The following RBFOX3 variants were observed in gnomAD, a reference collection of about 807,000 sequenced individuals.
RBFOX3 encodes the protein RNA binding fox-1 homolog 3, also known as RNA binding protein fox-1 homolog 3.
In RBFOX3, 17 loss-of-function variants were observed where a neutral mutation model predicts 48.7. That is an observed-to-expected ratio of 0.35 (90% CI 0.24 to 0.52). The LOEUF (loss-of-function observed/expected upper bound fraction) is 0.52. Ranked by LOEUF, RBFOX3 falls within the 20% of genes least tolerant of loss-of-function variation. The pLI is 0.94. For missense variants in RBFOX3, 382 were observed against 497.5 expected (o/e 0.77, Z 2.21); for synonymous variants, 212 against 209.5 (o/e 1.01, Z -0.10).
At chr17:79,213,954 G>A (rs2058693990) in intron 4 of RBFOX3, among the ~76,000 whole-genome samples, 1 of 152,206 alleles carries the variant, frequency 6.6e-6, no homozygotes, top group Non-Finnish European at 1.5e-5. Flanking sequence ...ATCGCGTGCT[G>A]CCTGTGACCT....
intron 10 of RBFOX3, 24 bp downstream of exon 10, chr17:79,097,668 T>TA: frequency 2.0e-6 from 2 of 1,010,922 alleles, no homozygotes; most frequent in Non-Finnish European, 2.8e-6. Context: ...TCTCATCCCA[T>TA]CCCCGCCCCG....
intron 3 of RBFOX3, among the ~76,000 whole-genome samples, chr17:79,251,776 C>A (rs983174521): frequency 3.1e-4 from 47 of 152,220 alleles, no homozygotes; most frequent in Admixed American, 1.0e-3. Context: ...AGGGAAGGTT[C>A]AAGACCTCTT....
chr17:79,473,877 C>T lies in RBFOX3; in HGVS notation c.-175+8577G>A, dbSNP rs1179125865. On this transcript the variant is annotated intron_variant, in intron 2 of 14. Coordinates refer to ENST00000693108, the MANE Select transcript of RBFOX3 (RefSeq NM_001350451.2). The surrounding 1 kb of genome is among the most constrained non-coding windows in gnomAD (Gnocchi z 4.2). ...ACACGCAGAACTAAAGTTAGGCTTGCCTTGACCTCTACTTCTAAATTAATT... is the reference window on the plus strand; with the variant it reads ...ACACGCAGAACTAAAGTTAGGCTTGTCTTGACCTCTACTTCTAAATTAATT... Among the ~76,000 whole-genome samples, 2 of 152,116 alleles carry T rather than the reference C, an allele frequency of 1.3e-5. No individual in the cohort carries two copies. Among genetic ancestry groups the T allele is most frequent in the Admixed American group, 6.5e-5 (1 of 15,268 alleles).
intron 4 of RBFOX3, among the ~76,000 whole-genome samples, chr17:79,222,799 G>C (rs2059888329): frequency 2.0e-5 from 3 of 152,210 alleles, no homozygotes; most frequent in Admixed American, 2.0e-4. Flanking sequence ...TGGTGCAGAT[G>C]CCCAAATGCT....
Position 79,094,460 on chromosome 17 carries a change from A to C in RBFOX3, c.1068T>G (p.Ile356Met), listed in dbSNP as rs2074722616. ...GGCCTGGGCTCCTTACCATGGTTCC[A>C]ATGCTGTAGGTCGCCGCGGGCCCGA... ...HTIGPAATYS[I>M]GTM The change falls in exon 14 of 15, where the codon ATT becomes ATG. Residue 356 changes from isoleucine (I) to methionine (M), a missense_variant. Ile to Met is a conservative substitution (Grantham distance 10, BLOSUM62 1). This residue lies in a region of RBFOX3 where 215 missense variants were observed against 254.8 expected (regional missense o/e 0.84). Transcript: ENST00000693108. 2 of 1,489,364 alleles carry C rather than the reference A, an allele frequency of 1.3e-6. No individual in the cohort carries two copies. The highest frequency in any genetic ancestry group is 1.8e-6 in the Non-Finnish European group (2 of 1,121,116). 92.3% of individuals were successfully genotyped at this position (1,489,364 alleles called of 1,614,324 possible).
At chr17:79,350,949 T>C (rs945707771) in intron 2 of RBFOX3, among the ~76,000 whole-genome samples, 1 of 152,102 alleles carries the variant, frequency 6.6e-6, no homozygotes, top group African/African-American at 2.4e-5. Context: ...CCTGGTAACC[T>C]CTAATCCACT....
intron 1 of RBFOX3, among the ~76,000 whole-genome samples, chr17:79,567,093 A>C (rs2092482722): frequency 6.6e-6 from 1 of 151,904 alleles, no homozygotes; most frequent in African/African-American, 2.4e-5. Flanking sequence ...TCCCAGCCTC[A>C]GAATCCTCTC....
At chr17:79,411,684 T>C (rs1268694325) in intron 2 of RBFOX3, among the ~76,000 whole-genome samples, 2 of 152,236 alleles carry the variant, frequency 1.3e-5, no homozygotes, top group African/African-American at 4.8e-5. Flanking sequence ...CAGTCTCCCA[T>C]GGTGCCTGAC....
chr17:79,280,593 C>T (rs999029728), intron 3 of RBFOX3, among the ~76,000 whole-genome samples: 1 of 152,200 alleles, frequency 6.6e-6, no homozygotes, highest in Non-Finnish European at 1.5e-5. Context: ...CCCATAACGC[C>T]TTTGAGGAGA....
the RBFOX3 span, among the ~76,000 whole-genome samples, chr17:79,623,017 C>T: frequency 6.6e-6 from 1 of 152,044 alleles, no homozygotes; most frequent in Non-Finnish European, 1.5e-5. Flanking sequence ...CAGCCCAGAC[C>T]CTCAGCTCCC....
chr17:79,162,365 G>T (rs2047151065), intron 4 of RBFOX3, among the ~76,000 whole-genome samples: 1 of 152,114 alleles, frequency 6.6e-6, no homozygotes, highest in Admixed American at 6.5e-5. Context: ...GTCGGACAAG[G>T]CCGCCCCCAG....
chr17:79,321,872 A>C (rs1245938187), intron 2 of RBFOX3, among the ~76,000 whole-genome samples: 1 of 152,038 alleles, frequency 6.6e-6, no homozygotes, highest in Non-Finnish European at 1.5e-5. Context: ...AATCCGGCTA[A>C]TTTTTGTATT....
chr17:79,642,563 TA>T, the RBFOX3 span, among the ~76,000 whole-genome samples: 10 of 152,214 alleles, frequency 6.6e-5, no homozygotes. Context: ...CTTGTGAATT[TA>T]ATGATCTCTC....
At chr17:79,581,493 G>A (rs1008957695) in intron 1 of RBFOX3, among the ~76,000 whole-genome samples, 18 of 152,330 alleles carry the variant, frequency 1.2e-4, no homozygotes, top group African/African-American at 4.3e-4. Flanking sequence ...TGTCAGAGTC[G>A]TTACGTCACT....
chr17:79,513,336 C>T (rs1599008979), intron 1 of RBFOX3, among the ~76,000 whole-genome samples: 1 of 152,204 alleles, frequency 6.6e-6, no homozygotes, highest in African/African-American at 2.4e-5. Context: ...TACATGTTAC[C>T]ACCAGGCATG....
intron 4 of RBFOX3, among the ~76,000 whole-genome samples, chr17:79,174,429 C>T (rs1041614164): frequency 2.0e-5 from 3 of 151,894 alleles, no homozygotes; most frequent in Non-Finnish European, 4.4e-5. Context: ...TGCACTCACA[C>T]ACACTGACAC....
chr17:79,464,716 C>A lies in RBFOX3; in HGVS notation c.-175+17738G>T, dbSNP rs143192284. Among the ~76,000 whole-genome samples the A allele has an allele frequency of 3.3e-5, 5 of 152,346 alleles. No homozygotes were observed. In the East Asian group the frequency reaches 5.8e-4, roughly 18 times the overall value. ...ACTGCTGGGAGCATCGTAAGAGCCA[C>A]CTTGGTTGACCACAGAAAGAAGTGC... On this transcript the variant is annotated intron_variant, in intron 2 of 14. Transcript: ENST00000693108.
At chr17:79,656,769 G>A in the RBFOX3 span, among the ~76,000 whole-genome samples, 22,099 of 62,344 alleles carry the variant, frequency 0.35, 3,578 homozygotes, top group Non-Finnish European at 0.45. Context: ...AAGGAAGGAA[G>A]GAAGGAAGGA....
intron 2 of RBFOX3, among the ~76,000 whole-genome samples, chr17:79,435,341 G>T (rs114760619): frequency 6.6e-6 from 1 of 152,184 alleles, no homozygotes; most frequent in Non-Finnish European, 1.5e-5. Flanking sequence ...TGCTTTAAAG[G>T]GGGGAGAAGG....
Sources: allele counts gnomAD v4.1 joint callset (sites outside exome capture counted in the v4.1 genomes callset), GRCh38; gene constraint gnomAD v4.1.1; regional missense constraint gnomAD v4.1.1; non-coding constraint Gnocchi (gnomAD v3.1); transcripts MANE v1.5; gene names NCBI Gene and HGNC (gene_info 2026-07-23, HGNC 2026-07-21).